Variants in KANK1 observed in about 807,000 individuals in gnomAD.
KANK1 encodes KN motif and ankyrin repeat domains 1, also known as KN motif and ankyrin repeat domain-containing protein 1.
KANK1 carries 109 observed loss-of-function variants against 106.2 expected under a neutral mutation model. The observed-to-expected ratio is 1.03, with a 90% CI of 0.88 to 1.20. The LOEUF (loss-of-function observed/expected upper bound fraction) is 1.20. Ranked by LOEUF, KANK1 falls within the 50% of genes most tolerant of loss-of-function variation. KANK1 has a pLI of 0.00. For synonymous variants in KANK1, 873 were observed against 652.2 expected (o/e 1.34, Z -5.16); for missense variants, 2,399 against 1,710.7 (o/e 1.40, Z -7.10).
intron 3 of KANK1, among the ~76,000 whole-genome samples, chr9:485,206 A>G (rs1404142346): frequency 6.6e-6 from 1 of 152,226 alleles, no homozygotes; most frequent in East Asian, 1.9e-4. Context: ...CAATCAGAGC[A>G]TCACATTCCT....
chr9:627,954 A>C (rs532750081), intron 1 of KANK1, among the ~76,000 whole-genome samples: 23,592 of 152,194 alleles, frequency 0.16, 2,001 homozygotes, highest in Admixed American at 0.18. Context: ...TTACAACAAA[A>C]AAAAAAGAAA....
At chr9:529,981 A>C (rs1030325356) in intron 1 of KANK1, among the ~76,000 whole-genome samples, 1 of 152,228 alleles carries the variant, frequency 6.6e-6, no homozygotes, top group Non-Finnish European at 1.5e-5. Flanking sequence ...CAATCTGTTA[A>C]GTAAAAAATG....
intron 7 of KANK1, among the ~76,000 whole-genome samples, chr9:735,334 C>T (rs1164308946): frequency 6.6e-6 from 1 of 152,146 alleles, no homozygotes; most frequent in African/African-American, 2.4e-5. Flanking sequence ...AAAATAACCG[C>T]ACTTGTCATC....
chr9:623,332 G>T (rs1211402305), intron 1 of KANK1, among the ~76,000 whole-genome samples: 1 of 152,118 alleles, frequency 6.6e-6, no homozygotes, highest in African/African-American at 2.4e-5. Flanking sequence ...GCTCATGCCT[G>T]TAATCTCACC....
intron 1 of KANK1, among the ~76,000 whole-genome samples, chr9:583,969 G>T (rs959809662): frequency 2.6e-5 from 4 of 152,064 alleles, no homozygotes; most frequent in Non-Finnish European, 1.5e-5. Context: ...AGTGGGTATT[G>T]TCATGTGCCA....
chr9:608,314 G>C (rs1013172996), intron 1 of KANK1, among the ~76,000 whole-genome samples: 1 of 151,666 alleles, frequency 6.6e-6, no homozygotes, highest in Non-Finnish European at 1.5e-5. Flanking sequence ...TGGGATTACA[G>C]GCGTGAAAAC....
chr9:695,048 A>C (rs1240057034), intron 2 of KANK1, among the ~76,000 whole-genome samples: 1 of 152,182 alleles, frequency 6.6e-6, no homozygotes, highest in Non-Finnish European at 1.5e-5. Flanking sequence ...TATGAATCAC[A>C]TCACTGCATT....
chr9:598,484 A>G (rs1826787816), intron 1 of KANK1, among the ~76,000 whole-genome samples: 1 of 151,404 alleles, frequency 6.6e-6, no homozygotes, highest in South Asian at 2.1e-4. Context: ...AAGACTTCCA[A>G]TCCATGAATA....
intron 3 of KANK1, among the ~76,000 whole-genome samples, chr9:493,743 C>A (rs374147867): frequency 9.9e-5 from 15 of 151,590 alleles, no homozygotes; most frequent in Admixed American, 7.9e-4. Context: ...GACAGGGTTT[C>A]ACCATGTCGG....
chr9:658,694 A>G (rs1474635714), intron 1 of KANK1, among the ~76,000 whole-genome samples: 1 of 152,154 alleles, frequency 6.6e-6, no homozygotes, highest in African/African-American at 2.4e-5. Flanking sequence ...TTTTGACTAT[A>G]GATACCAGAT....
chr9:691,802 A>G (rs1466692438), intron 2 of KANK1, among the ~76,000 whole-genome samples: 3 of 144,420 alleles, frequency 2.1e-5, no homozygotes, highest in Admixed American at 1.4e-4. Flanking sequence ...TTTTTGGTAG[A>G]GACAGAGTGT....
rs142410794 is a variant in KANK1, at chr9:534,463, A to T, written c.-84+29709A>T. Among the ~76,000 whole-genome samples the T allele has an allele frequency of 3.7e-3, 561 of 152,362 alleles. 2 individuals carry two copies. The highest frequency in any genetic ancestry group is 4.3e-3 in the Non-Finnish European group (291 of 68,034). On this transcript the variant is annotated intron_variant, in intron 1 of 11. Coordinates refer to ENST00000382297, the MANE Select transcript of KANK1 (RefSeq NM_015158.5). ...GGACCTAAGGAGATTTTCTCGAAAG[A>T]AAAGGGGAAAATGCCGCTCTTAAGC...
intron 1 of KANK1, among the ~76,000 whole-genome samples, chr9:567,308 A>T (rs1203906599): frequency 6.6e-6 from 1 of 152,148 alleles, no homozygotes; most frequent in East Asian, 1.9e-4. Context: ...TTTGCTTAGG[A>T]TTGCCTTCTA....
chr9:657,056 C>T (rs10975607), intron 1 of KANK1, among the ~76,000 whole-genome samples: 36,625 of 151,996 alleles, frequency 0.24, 5,697 homozygotes, highest in South Asian at 0.45. Flanking sequence ...CTGTGCCAGC[C>T]GCTGGCACCA....
chr9:708,964 G>T (rs1169303652), intron 2 of KANK1, among the ~76,000 whole-genome samples: 1 of 152,224 alleles, frequency 6.6e-6, no homozygotes, highest in East Asian at 1.9e-4. Flanking sequence ...TCTGCGCTTT[G>T]AAAGGTTCTT....
At chr9:492,846 G>A (rs1223666263) in intron 3 of KANK1, among the ~76,000 whole-genome samples, 1 of 151,902 alleles carries the variant, frequency 6.6e-6, no homozygotes, top group Non-Finnish European at 1.5e-5. Flanking sequence ...CCAACATGGA[G>A]AAATCCTGTC....
chr9:536,365 AT>A (rs775654607), intron 1 of KANK1, among the ~76,000 whole-genome samples: 32 of 151,702 alleles, frequency 2.1e-4, no homozygotes, highest in African/African-American at 7.5e-4. Flanking sequence ...AAAAGCACAC[AT>A]TTTTTTATAT....
At chr9:495,590 A>C (rs1278019947) in intron 3 of KANK1, 1 of 152,144 alleles carries the variant, frequency 6.6e-6, no homozygotes, top group East Asian at 1.9e-4. Context: ...GGAGCATTGA[A>C]TATAACTAAC....
At chr9:489,252 C>T (rs973442317) in intron 3 of KANK1, among the ~76,000 whole-genome samples, 1 of 152,086 alleles carries the variant, frequency 6.6e-6, no homozygotes, top group Non-Finnish European at 1.5e-5. Flanking sequence ...GTAGAGCCTA[C>T]ATGTGTATTT....
Sources: allele counts gnomAD v4.1 joint callset (sites outside exome capture counted in the v4.1 genomes callset), GRCh38; gene constraint gnomAD v4.1.1; transcripts MANE v1.5; gene names NCBI Gene and HGNC (gene_info 2026-07-23, HGNC 2026-07-21).